SPATA1: variants seen among roughly 807,000 people sequenced by gnomAD.
The protein encoded by SPATA1 is spermatogenesis associated 1.
SPATA1 carries 57 observed loss-of-function variants against 59.6 expected under a neutral mutation model. The ratio of observed to expected loss-of-function variants is 0.96; its 90% CI spans 0.77 to 1.19. The LOEUF (loss-of-function observed/expected upper bound fraction) is 1.19. Ranked by LOEUF, SPATA1 falls within the 50% of genes most tolerant of loss-of-function variation. The pLI is 0.00. For synonymous variants in SPATA1, 147 were observed against 163.9 expected (o/e 0.90, Z 0.79); for missense variants, 448 against 480.7 (o/e 0.93, Z 0.64).
At chr1:84,563,076 C>T (rs1200189885) in intron 4 of SPATA1, among the ~76,000 whole-genome samples, 1 of 152,178 alleles carries the variant, frequency 6.6e-6, no homozygotes, top group Non-Finnish European at 1.5e-5. Context: ...ACTCCAATTG[C>T]TCGCCAGGGA....
At chr1:84,548,247 G>A (rs977893289) in intron 10 of SPATA1, among the ~76,000 whole-genome samples, 1 of 151,792 alleles carries the variant, frequency 6.6e-6, no homozygotes, top group Non-Finnish European at 1.5e-5. Context: ...CTGGTATACT[G>A]GCATATAGTT....
In SPATA1 at chr1:84,563,490, TA is replaced by T. The variant is rs1199549670; in HGVS notation, n.443-2368del. ...TCTTAAAAGCCAAACCAAAAATATA[TA>T]AATTATTTAGAAATAAAACATATAC... is the stretch of plus-strand genomic sequence containing the variant. On this transcript the variant is annotated intron_variant and non_coding_transcript_variant, in intron 4 of 4. Coordinates refer to the SPATA1 transcript ENST00000460286. The T allele has an allele frequency of 4.6e-6, 5 of 1,076,982 alleles. No individual in the cohort carries two copies. In the East Asian group the frequency reaches 1.2e-4, roughly 27 times the overall value. 66.7% of individuals were successfully genotyped at this position (1,076,982 alleles called of 1,614,324 possible).
intron 8 of SPATA1, among the ~76,000 whole-genome samples, chr1:84,542,568 G>T (rs1237606224): frequency 6.6e-6 from 1 of 151,918 alleles, no homozygotes. Flanking sequence ...CTCGTGATTG[G>T]TGTTTGCTAT....
In SPATA1 at chr1:84,544,322, G is replaced by GT; in HGVS notation, c.820+19dup. 2 of 1,510,470 alleles carry GT rather than the reference G, an allele frequency of 1.3e-6. No individual in the cohort carries two copies. Among genetic ancestry groups the GT allele is most frequent in the Non-Finnish European group, 1.8e-6 (2 of 1,107,388 alleles). The allele number at this position is 1,510,470 out of a possible 1,614,324, so 93.6% of individuals were successfully genotyped here. ...AACTGAAAGTAAGTATAGTGCAATCGTAAGTACAGATGATTCTGTGAGGTA... is the reference window on the plus strand; with the variant it reads ...AACTGAAAGTAAGTATAGTGCAATCGTTAAGTACAGATGATTCTGTGAGGTA... On this transcript the variant is annotated intron_variant, in intron 9 of 12. Transcript: ENST00000490879.
intron 3 of SPATA1, 55 bp from the exon 4 acceptor site, chr1:84,522,335 G>C: frequency 9.9e-7 from 1 of 1,013,912 alleles, no homozygotes; most frequent in Admixed American, 2.9e-5. Context: ...TGAATCATTA[G>C]TATATCCAAA....
chr1:84,548,781 T>A lies in SPATA1; in HGVS notation c.947-5T>A, dbSNP rs960067319. On this transcript the variant is annotated splice_polypyrimidine_tract_variant and splice_region_variant and intron_variant, in intron 10 of 12. Coordinates refer to ENST00000490879, the Ensembl canonical transcript of SPATA1. ...TTTTTTTTTTTTTTTTTTTTTTTTT[T>A]ATAGCCTACAATGGTTGGAAGAAAA... 6.1e-4 allele frequency: 463 copies of A among 762,542 alleles called. 4 individuals carry two copies. The African/African-American group carries it at 0.011, about 19-fold the overall frequency. The allele number at this position is 762,542 out of a possible 1,614,324, so 47.2% of individuals were successfully genotyped here. A position where few individuals can be genotyped will look rare whatever the true frequency, so the allele number is the denominator to read the frequency against.
intron 11 of SPATA1, 98 bp downstream of exon 11, chr1:84,549,062 T>C (rs1684190957): frequency 8.3e-7 from 1 of 1,201,762 alleles, no homozygotes; most frequent in Admixed American, 3.0e-5. Flanking sequence ...AGGCTAACTT[T>C]GACTTAAACT....
intron 12 of SPATA1, 200 bp downstream of exon 12, chr1:84,550,730 ATAAAGCCAAAG>A (rs1570456716): frequency 8.8e-7 from 1 of 1,134,188 alleles, no homozygotes; most frequent in East Asian, 4.1e-5. Flanking sequence ...ACATGATATA[ATAAAGCCAAAG>A]TAAAATTTAG....
downstream of SPATA1, chr1:84,554,979 A>G (rs1268073218): frequency 1.4e-5 from 23 of 1,601,280 alleles, no homozygotes; most frequent in Non-Finnish European, 1.5e-5. Context: ...TCTAACTCTT[A>G]ATGGTTTGAC....
At chr1:84,509,496 G>T (rs1198511849) in intron 1 of SPATA1, among the ~76,000 whole-genome samples, 3 of 152,230 alleles carry the variant, frequency 2.0e-5, no homozygotes, top group African/African-American at 7.2e-5. Flanking sequence ...GGGCATGGTG[G>T]CTTACACCTG....
chr1:84,554,704 G>T, downstream of SPATA1: 1 of 244,516 alleles, frequency 4.1e-6, no homozygotes, highest in Non-Finnish European at 7.9e-6. Context: ...CTATAATGAA[G>T]GGAAATATGG....
chr1:84,545,758 T>C (rs1460352534), exon 10 of SPATA1: 2 of 1,508,314 alleles, frequency 1.3e-6, no homozygotes, highest in East Asian at 2.5e-5. Flanking sequence ...AACGATATCA[T>C]GGTAAAGTTT....
intron 4 of SPATA1, chr1:84,563,866 T>C (rs772391035): frequency 6.3e-7 from 1 of 1,591,034 alleles, no homozygotes; most frequent in Non-Finnish European, 8.6e-7. Context: ...CATATTTGTT[T>C]CTCTTCATAT....
chr1:84,559,479 G>A (rs1478277322), downstream of SPATA1, among the ~76,000 whole-genome samples: 3 of 152,004 alleles, frequency 2.0e-5, no homozygotes, highest in Non-Finnish European at 2.9e-5. Context: ...AAAATTAGCC[G>A]GGCATGGTAG....
At chr1:84,513,592 T>C (rs964105292) in intron 1 of SPATA1, among the ~76,000 whole-genome samples, 1 of 152,236 alleles carries the variant, frequency 6.6e-6, no homozygotes, top group Admixed American at 6.5e-5. Context: ...GTCACGCTAA[T>C]AGGTCAAACT....
At chr1:84,556,466 AC>A (rs1310521442), downstream of SPATA1, among the ~76,000 whole-genome samples, 1 of 152,094 alleles carries the variant, frequency 6.6e-6, no homozygotes, top group African/African-American at 2.4e-5. Context: ...TAATACCAGC[AC>A]TTTGGGAGGC....
chr1:84,555,000 C>G (rs138201181), downstream of SPATA1: 477 of 1,612,482 alleles, frequency 3.0e-4, no homozygotes, highest in Middle Eastern at 1.8e-3. Context: ...AAAAGATGTT[C>G]ATCTCTGTAA....
chr1:84,530,018 G>A (rs1222116010), intron 6 of SPATA1, among the ~76,000 whole-genome samples: 1 of 151,954 alleles, frequency 6.6e-6, no homozygotes, highest in Non-Finnish European at 1.5e-5. Flanking sequence ...AGCCATGCCC[G>A]GCTAATTTTT....
intron 8 of SPATA1, among the ~76,000 whole-genome samples, chr1:84,539,353 A>G (rs1191282429): frequency 6.6e-6 from 1 of 152,216 alleles, no homozygotes; most frequent in African/African-American, 2.4e-5. Flanking sequence ...TATGTGTAGA[A>G]TTGCTGGAAA....
Sources: gnomAD v4.1 joint callset for allele counts (sites outside exome capture counted in the v4.1 genomes callset) on GRCh38, gnomAD v4.1.1 for gene constraint, MANE v1.5 for transcripts, NCBI Gene and HGNC (gene_info 2026-07-23, HGNC 2026-07-21) for gene names.